Variants in CSMD1 observed in about 807,000 individuals in gnomAD.
CSMD1 encodes CUB and sushi domain-containing protein 1.
CSMD1 carries 213 observed loss-of-function variants against 417.5 expected under a neutral mutation model. The observed-to-expected ratio is 0.51, with a 90% CI of 0.46 to 0.57. CSMD1 has a LOEUF of 0.57. Ranked by LOEUF, CSMD1 falls within the 20% of genes least tolerant of loss-of-function variation. The pLI is 0.00. For missense variants in CSMD1, 6,923 were observed against 4,529.7 expected (o/e 1.53, Z -15.17); for synonymous variants, 2,862 against 1,736.8 (o/e 1.65, Z -16.11).
rs1530615 is a variant in CSMD1 at position 3,491,331 on chromosome 8, A to G, written c.1448+2292T>C. Among the ~76,000 whole-genome samples the G allele has an allele frequency of 1.3e-3, 197 of 152,094 alleles. 2 individuals carry two copies. Among genetic ancestry groups the G allele is most frequent in the Non-Finnish European group, 1.5e-3 (103 of 67,996 alleles). On this transcript the variant is annotated intron_variant, in intron 11 of 69. Transcript: ENST00000635120. ...ACCTATCAAAACTTCAGCTTCATCAATGATAAAGCAATGATATTATTAGAC... is the reference window on the plus strand; with the variant it reads ...ACCTATCAAAACTTCAGCTTCATCAGTGATAAAGCAATGATATTATTAGAC...
intron 11 of CSMD1, among the ~76,000 whole-genome samples, chr8:3,473,572 C>T (rs1817232015): frequency 6.6e-6 from 1 of 152,066 alleles, no homozygotes; most frequent in Non-Finnish European, 1.5e-5. Flanking sequence ...TATTGTTGCC[C>T]TTTGCAACTG....
At chr8:3,571,622 G>A (rs1389971816) in intron 10 of CSMD1, among the ~76,000 whole-genome samples, 1 of 151,982 alleles carries the variant, frequency 6.6e-6, no homozygotes, top group Non-Finnish European at 1.5e-5. Context: ...AGCCTGCAGG[G>A]GTGTGAGGTC....
In CSMD1 at chr8:3,399,453, A is replaced by ATG; in HGVS notation, c.2342_2343insCA (p.Leu782IlefsTer7). On this transcript the variant is annotated frameshift_variant, in exon 16 of 70. Transcript: ENST00000635120. LOFTEE classifies it high-confidence loss of function. ...CTTCAATTATCCATTCACAATGTAA[A>ATG]GAATCCTTATAATATCCTGGCCATC... 6.2e-7 allele frequency: 1 copy of ATG among 1,611,012 alleles called. No individual in the cohort carries two copies. Among genetic ancestry groups the ATG allele is most frequent in the Non-Finnish European group, 8.5e-7 (1 of 1,178,566 alleles).
chr8:4,042,063 A>G lies in CSMD1; in HGVS notation c.416-9964T>C, dbSNP rs144263910. 6.1e-3 allele frequency among the ~76,000 whole-genome samples: 936 copies of G among 152,316 alleles called. 8 individuals carry two copies. The highest frequency in any genetic ancestry group is 0.011 in the Non-Finnish European group (716 of 68,030). ...CATCTCCAAGCAGACACAAGTATGT[A>G]ATTAAACTCACTGAAGGCAGGGAAC... is the stretch of plus-strand genomic sequence containing the variant. On this transcript the variant is annotated intron_variant, in intron 3 of 69. Coordinates refer to ENST00000635120, the MANE Select transcript of CSMD1 (RefSeq NM_033225.6).
chr8:3,232,640 T>C (rs565699365), intron 26 of CSMD1, among the ~76,000 whole-genome samples: 1 of 152,302 alleles, frequency 6.6e-6, no homozygotes, highest in South Asian at 2.1e-4. Context: ...GCAGTTAGAT[T>C]GTCCTTTAAA....
intron 3 of CSMD1, among the ~76,000 whole-genome samples, chr8:4,402,729 C>T (rs945378969): frequency 1.3e-5 from 2 of 151,830 alleles, no homozygotes; most frequent in African/African-American, 4.8e-5. Flanking sequence ...CTTCTCTCAC[C>T]TCATTCAACT....
At chr8:3,575,844 G>GT (rs67685469) in intron 9 of CSMD1, among the ~76,000 whole-genome samples, 40 of 149,432 alleles carry the variant, frequency 2.7e-4, no homozygotes, top group Middle Eastern at 3.4e-3. Flanking sequence ...TATGAAAGGA[G>GT]TTTTTTTTTT....
At chr8:3,902,154 T>C (rs1378263220) in intron 5 of CSMD1, among the ~76,000 whole-genome samples, 4 of 152,190 alleles carry the variant, frequency 2.6e-5, no homozygotes, top group African/African-American at 9.7e-5. Flanking sequence ...CTTCAAGCAC[T>C]GTAGCAACAT....
At chr8:4,342,956 G>C (rs13270130) in intron 3 of CSMD1, among the ~76,000 whole-genome samples, 1 of 152,190 alleles carries the variant, frequency 6.6e-6, no homozygotes, top group Non-Finnish European at 1.5e-5. Context: ...TTCAGACTCT[G>C]ACAGGTAGAT....
intron 3 of CSMD1, among the ~76,000 whole-genome samples, chr8:4,209,426 T>G (rs1008318347): frequency 2.0e-5 from 3 of 152,180 alleles, no homozygotes; most frequent in African/African-American, 7.2e-5. Flanking sequence ...GTATGAGGTG[T>G]GAACTCCTCA....
In CSMD1 at chr8:3,087,154, A is replaced by G; in HGVS notation, c.7417T>C (p.Cys2473Arg). The G allele has an allele frequency of 6.2e-7, 1 of 1,613,926 alleles. No homozygotes were observed. The highest frequency in any genetic ancestry group is 8.5e-7 in the Non-Finnish European group (1 of 1,179,898). The stretch of plus-strand genomic sequence containing the variant: ...TACATGCCAAGTGGGTTTCGTCTAC[A>G]GGTTGCATTGCTGTGGCCGACCATT... ...YRMVGHSNAT[C>R]RRNPLGMYQW... Residue 2473 changes from cysteine (C) to arginine (R), a missense_variant, in exon 49 of 70, where the codon TGT becomes CGT. Coordinates refer to ENST00000635120, the MANE Select transcript of CSMD1 (RefSeq NM_033225.6).
chr8:3,602,051 G>A (rs999525894), intron 8 of CSMD1, among the ~76,000 whole-genome samples: 1 of 152,174 alleles, frequency 6.6e-6, no homozygotes, highest in Non-Finnish European at 1.5e-5. Flanking sequence ...AGGATAAAAA[G>A]AATTCTGGAG....
At chr8:4,417,136 G>C (rs993578451) in intron 3 of CSMD1, among the ~76,000 whole-genome samples, 4 of 151,992 alleles carry the variant, frequency 2.6e-5, no homozygotes, top group Non-Finnish European at 5.9e-5. Context: ...TAATTGCTGA[G>C]ACTTGCTGAG....
chr8:4,469,296 G>T (rs773328017), intron 2 of CSMD1, among the ~76,000 whole-genome samples: 8 of 152,136 alleles, frequency 5.3e-5, no homozygotes, highest in Non-Finnish European at 1.0e-4. Flanking sequence ...TAGTCAGTGG[G>T]ACTTTCTCAT....
chr8:4,701,900 C>T (rs945317238), intron 1 of CSMD1, among the ~76,000 whole-genome samples: 1 of 152,156 alleles, frequency 6.6e-6, no homozygotes, highest in African/African-American at 2.4e-5. Flanking sequence ...ACATGTGGCA[C>T]ACGTACACTG....
intron 42 of CSMD1, among the ~76,000 whole-genome samples, chr8:3,110,824 T>A (rs939911528): frequency 6.6e-6 from 1 of 152,316 alleles, no homozygotes; most frequent in South Asian, 2.1e-4. Context: ...CCTGAAGAAG[T>A]AAGATAATGC....
chr8:4,199,220 C>G (rs1554491111), intron 3 of CSMD1, among the ~76,000 whole-genome samples: 1 of 152,014 alleles, frequency 6.6e-6, no homozygotes. Flanking sequence ...CAAATATCCT[C>G]TTGAGGTTAG....
chr8:3,704,923 G>A (rs534824112), intron 7 of CSMD1: 1 of 152,310 alleles, frequency 6.6e-6, no homozygotes, highest in East Asian at 1.9e-4. Flanking sequence ...ATAGTCAGAG[G>A]GCATGGATTT....
intron 30 of CSMD1, among the ~76,000 whole-genome samples, chr8:3,208,599 T>G (rs539711864): frequency 6.6e-6 from 1 of 152,252 alleles, no homozygotes; most frequent in South Asian, 2.1e-4. Context: ...GAATGTCATC[T>G]TGATTGGATT....
Sources: gnomAD v4.1 joint callset for allele counts (sites outside exome capture counted in the v4.1 genomes callset) on GRCh38, gnomAD v4.1.1 for gene constraint, MANE v1.5 for transcripts, NCBI Gene and HGNC (gene_info 2026-07-23, HGNC 2026-07-21) for gene names.